CRISPLD1: variants seen among roughly 807,000 people sequenced by gnomAD.
The protein encoded by CRISPLD1 is cysteine-rich secretory protein LCCL domain-containing 1.
CRISPLD1 carries 60 observed loss-of-function variants against 77.5 expected under a neutral mutation model. That is an observed-to-expected ratio of 0.77 (90% confidence interval 0.63 to 0.96). The LOEUF (loss-of-function observed/expected upper bound fraction) is 0.96, where lower values mean the gene tolerates loss of function less well. Ranked by LOEUF, CRISPLD1 falls within the 40% of genes least tolerant of loss-of-function variation. The pLI, the probability that CRISPLD1 is intolerant of heterozygous loss-of-function variation, is 0.00. For synonymous variants in CRISPLD1, 195 were observed against 200.1 expected (o/e 0.97, Z 0.22); for missense variants, 623 against 615.8 (o/e 1.01, Z -0.12).
intron 1 of CRISPLD1, 46 bp from the exon 2 acceptor site, chr8:74,985,880 A>G: frequency 1.6e-6 from 2 of 1,267,412 alleles, no homozygotes; most frequent in Non-Finnish European, 2.2e-6. Context: ...TAGAAAATTC[A>G]TATCTGCTGG....
intron 2 of CRISPLD1, among the ~76,000 whole-genome samples, chr8:74,996,880 G>C (rs1461051034): frequency 6.6e-6 from 1 of 151,750 alleles, no homozygotes; most frequent in Non-Finnish European, 1.5e-5. Flanking sequence ...ACCACACCCA[G>C]CTAATTTTTA....
At chr8:75,031,280 G>GT (rs1217101862) in intron 14 of CRISPLD1, among the ~76,000 whole-genome samples, 1 of 151,844 alleles carries the variant, frequency 6.6e-6, no homozygotes, top group East Asian at 1.9e-4. Flanking sequence ...ATAAAACATA[G>GT]TTCACTTTGT....
intron 2 of CRISPLD1, among the ~76,000 whole-genome samples, chr8:74,998,884 C>G (rs1249994721): frequency 6.6e-6 from 1 of 151,618 alleles, no homozygotes; most frequent in Admixed American, 6.6e-5. Context: ...TTTGACTAGG[C>G]AACATCTGGA....
intron 2 of CRISPLD1, among the ~76,000 whole-genome samples, chr8:75,007,131 A>AATATTTTGAAG (rs1812846052): frequency 6.6e-6 from 1 of 152,134 alleles, no homozygotes; most frequent in Admixed American, 6.6e-5. Flanking sequence ...TTAATGTAGT[A>AATATTTTGAAG]CTATAATAAT....
At chr8:75,007,068 A>G (rs888090111) in intron 2 of CRISPLD1, among the ~76,000 whole-genome samples, 4 of 152,200 alleles carry the variant, frequency 2.6e-5, no homozygotes, top group Non-Finnish European at 5.9e-5. Context: ...TTATCAGAAA[A>G]TACTCTCTTC....
chr8:75,000,673 A>G (rs2128782489), intron 2 of CRISPLD1, among the ~76,000 whole-genome samples: 1 of 152,102 alleles, frequency 6.6e-6, no homozygotes, highest in South Asian at 2.1e-4. Flanking sequence ...CAGTTCTCTG[A>G]CTTCCATAGC....
chr8:75,023,045 C>T (rs1409681510), intron 12 of CRISPLD1, among the ~76,000 whole-genome samples: 1 of 139,874 alleles, frequency 7.1e-6, no homozygotes, highest in Non-Finnish European at 1.5e-5. Flanking sequence ...TCAGCATTTT[C>T]ATTCAAAGTT....
chr8:74,995,264 G>T (rs1199685126), intron 2 of CRISPLD1, among the ~76,000 whole-genome samples: 2 of 152,082 alleles, frequency 1.3e-5, no homozygotes, highest in African/African-American at 2.4e-5. Flanking sequence ...AAGCAGAAAG[G>T]GTGATCAGCT....
intron 2 of CRISPLD1, among the ~76,000 whole-genome samples, chr8:75,011,097 A>T (rs1812920968): frequency 7.4e-6 from 1 of 134,612 alleles, no homozygotes; most frequent in South Asian, 2.2e-4. Flanking sequence ...AAGTTCTAGG[A>T]GTTTAAATTT....
At chr8:75,009,884 A>G (rs1381642239) in intron 2 of CRISPLD1, among the ~76,000 whole-genome samples, 1 of 152,104 alleles carries the variant, frequency 6.6e-6, no homozygotes, top group Admixed American at 6.6e-5. Flanking sequence ...CTTTTGTATA[A>G]TAAACATTAT....
intron 13 of CRISPLD1, chr8:75,026,705 T>A (rs923321945): frequency 9.2e-5 from 14 of 152,212 alleles, no homozygotes; most frequent in African/African-American, 3.1e-4. Context: ...TTCAATAGAA[T>A]ATTAAGGGAA....
In CRISPLD1 at chr8:75,014,876, T is replaced by G; in HGVS notation, c.691T>G (p.Phe231Val). 6.3e-7 allele frequency: 1 copy of G among 1,576,938 alleles called. No homozygotes were observed. Among genetic ancestry groups the G allele is most frequent in the South Asian group, 1.2e-5 (1 of 85,600 alleles). ...GRPCSACPPS[F>V]GGGCRENLCY... ...GCCCTGTTCTGCTTGCCCACCTAGT[T>G]TTGGAGGGGGCTGTAGAGAAAATCT... Residue 231 changes from phenylalanine (F) to valine (V), a missense_variant, in exon 6 of 15, where the codon TTT (phenylalanine) becomes GTT (valine). Coordinates refer to ENST00000262207, the MANE Select transcript of CRISPLD1 (RefSeq NM_031461.6).
At chr8:75,029,581 T>A in intron 14 of CRISPLD1, 64 bp downstream of exon 14, 1 of 1,503,346 alleles carries the variant, frequency 6.7e-7, no homozygotes, top group Non-Finnish European at 9.1e-7. Context: ...CATGATTGCT[T>A]TACAGTTGAC....
chr8:75,013,272 G>A (rs1812967056), intron 4 of CRISPLD1, among the ~76,000 whole-genome samples: 1 of 152,014 alleles, frequency 6.6e-6, no homozygotes, highest in Non-Finnish European at 1.5e-5. Context: ...TTTTAATATA[G>A]CCCCAGTAAT....
chr8:75,027,983 C>CA (rs1186964497), intron 13 of CRISPLD1, among the ~76,000 whole-genome samples: 2 of 152,024 alleles, frequency 1.3e-5, no homozygotes, highest in African/African-American at 4.8e-5. Context: ...TAATTGCAGG[C>CA]AATACAATAG....
intron 6 of CRISPLD1, among the ~76,000 whole-genome samples, chr8:75,015,205 A>G (rs900195763): frequency 6.6e-6 from 1 of 152,158 alleles, no homozygotes; most frequent in East Asian, 1.9e-4. Context: ...ATCTTGATGT[A>G]TGGTTGACTA....
intron 2 of CRISPLD1, among the ~76,000 whole-genome samples, chr8:75,000,856 A>C (rs911269566): frequency 1.3e-5 from 2 of 150,518 alleles, no homozygotes; most frequent in African/African-American, 2.5e-5. Context: ...AATGGGATGA[A>C]TGAAAAAAAA....
chr8:75,024,483 C>G (rs1395231113), intron 12 of CRISPLD1, among the ~76,000 whole-genome samples: 1 of 152,092 alleles, frequency 6.6e-6, no homozygotes, highest in Non-Finnish European at 1.5e-5. Flanking sequence ...CAGGACCATG[C>G]CCGGCTAATT....
At chr8:75,018,709 G>A (rs1166770669) in intron 10 of CRISPLD1, among the ~76,000 whole-genome samples, 1 of 151,602 alleles carries the variant, frequency 6.6e-6, no homozygotes, top group Non-Finnish European at 1.5e-5. Flanking sequence ...TCCTGCCTCA[G>A]CCTCCCAAGT....
Sources: allele counts gnomAD v4.1 joint callset (sites outside exome capture counted in the v4.1 genomes callset), GRCh38; gene constraint gnomAD v4.1.1; transcripts MANE v1.5; gene names NCBI Gene and HGNC (gene_info 2026-07-23, HGNC 2026-07-21).